The following RBFOX1 variants were observed in gnomAD, a reference collection of about 807,000 sequenced individuals.
RBFOX1 encodes RNA binding protein fox-1 homolog 1.
In RBFOX1, 8 loss-of-function variants were observed where a neutral mutation model predicts 57.7. The ratio of observed to expected loss-of-function variants is 0.14; its 90% confidence interval spans 0.08 to 0.25. The LOEUF is 0.25. RBFOX1 is among the 10% of genes least tolerant of loss of function. The pLI, the probability that RBFOX1 is intolerant of heterozygous loss-of-function variation, is 1.00. For synonymous variants in RBFOX1, 326 were observed against 222.4 expected (o/e 1.47, Z -4.15); for missense variants, 611 against 548.5 (o/e 1.11, Z -1.14).
intron 1 of RBFOX1, among the ~76,000 whole-genome samples, chr16:5,455,544 C>G (rs1320836140): frequency 6.6e-6 from 1 of 152,182 alleles, no homozygotes; most frequent in Non-Finnish European, 1.5e-5. Context: ...TTCTTTCATT[C>G]TTACCTAAGG....
At chr16:7,448,918 CT>C (rs1348641873) in intron 4 of RBFOX1, among the ~76,000 whole-genome samples, 1 of 136,688 alleles carries the variant, frequency 7.3e-6, no homozygotes, top group Non-Finnish European at 1.5e-5. Flanking sequence ...AGACATTTTT[CT>C]TTCCCCTGTT....
chr16:6,103,379 A>C (rs1258231882), intron 1 of RBFOX1, among the ~76,000 whole-genome samples: 1 of 152,192 alleles, frequency 6.6e-6, no homozygotes, highest in Non-Finnish European at 1.5e-5. Flanking sequence ...CATATGTAAG[A>C]TATCTAACAT....
chr16:6,854,912 A>C (rs1346066714), intron 3 of RBFOX1, among the ~76,000 whole-genome samples: 1 of 151,702 alleles, frequency 6.6e-6, no homozygotes, highest in African/African-American at 2.4e-5. Context: ...TAATTTTTTT[A>C]TTCTGGTTTC....
At chr16:5,414,558 C>T (rs986374726) in intron 1 of RBFOX1, among the ~76,000 whole-genome samples, 4 of 152,150 alleles carry the variant, frequency 2.6e-5, no homozygotes, top group African/African-American at 9.7e-5. Context: ...TGGCTTTCAT[C>T]ATTGCTTCAT....
At chr16:6,053,226 A>G (rs758406973) in intron 1 of RBFOX1, among the ~76,000 whole-genome samples, 5 of 152,194 alleles carry the variant, frequency 3.3e-5, no homozygotes, top group Admixed American at 2.0e-4. Context: ...CCTGCCCCCA[A>G]TCTTGCATCT....
At chr16:5,938,813 C>G (rs1303677454) in intron 4 of RBFOX1, among the ~76,000 whole-genome samples, 2 of 152,138 alleles carry the variant, frequency 1.3e-5, no homozygotes, top group African/African-American at 2.4e-5. Flanking sequence ...AACAGATGAA[C>G]CACTCAGCTG....
At chr16:5,527,048 C>T (rs1234336196) in intron 2 of RBFOX1, among the ~76,000 whole-genome samples, 2 of 152,138 alleles carry the variant, frequency 1.3e-5, no homozygotes, top group Non-Finnish European at 2.9e-5. Context: ...TGCCATGTGT[C>T]AGTGGTGCTC....
chr16:6,570,919 A>G (rs1202958247), intron 2 of RBFOX1, among the ~76,000 whole-genome samples: 2 of 152,194 alleles, frequency 1.3e-5, no homozygotes, highest in East Asian at 1.9e-4. Flanking sequence ...AGGGCCTTTG[A>G]TTGAATAACG....
intron 3 of RBFOX1, among the ~76,000 whole-genome samples, chr16:6,922,709 C>G (rs1193508062): frequency 1.3e-5 from 2 of 152,070 alleles, no homozygotes; most frequent in African/African-American, 2.4e-5. Context: ...ATCCACCACT[C>G]CAAAAACTGG....
At chr16:6,621,827 C>T (rs892953445) in intron 2 of RBFOX1, among the ~76,000 whole-genome samples, 2 of 152,134 alleles carry the variant, frequency 1.3e-5, no homozygotes, top group South Asian at 2.1e-4. Flanking sequence ...AGACCACACA[C>T]ATCACACAAA....
chr16:6,965,639 C>G (rs910545195), intron 3 of RBFOX1, among the ~76,000 whole-genome samples: 5 of 152,150 alleles, frequency 3.3e-5, no homozygotes, highest in Non-Finnish European at 7.3e-5. Context: ...GCCTGGCTGA[C>G]AAATCCAGTT....
intron 4 of RBFOX1, among the ~76,000 whole-genome samples, chr16:7,357,680 G>T (rs1383101847): frequency 1.3e-5 from 2 of 152,116 alleles, no homozygotes; most frequent in Non-Finnish European, 2.9e-5. Flanking sequence ...TTCAGTCTCG[G>T]TTGCAATGTC....
intron 3 of RBFOX1, among the ~76,000 whole-genome samples, chr16:6,998,589 A>G (rs2092471977): frequency 6.6e-6 from 1 of 152,182 alleles, no homozygotes; most frequent in African/African-American, 2.4e-5. Context: ...TAATTTGGTT[A>G]TATCATTGTG....
At chr16:6,321,492 A>G (rs1023378688) in intron 2 of RBFOX1, among the ~76,000 whole-genome samples, 4 of 152,158 alleles carry the variant, frequency 2.6e-5, no homozygotes, top group Admixed American at 1.3e-4. Context: ...TTTACCCTTG[A>G]TCCAGAACTA....
At chr16:6,612,067 T>C (rs938700615) in intron 2 of RBFOX1, among the ~76,000 whole-genome samples, 1 of 152,178 alleles carries the variant, frequency 6.6e-6, no homozygotes, top group Admixed American at 6.5e-5. Context: ...ATTATTCTAA[T>C]ATATTTACGT....
chr16:5,746,433 G>C (rs1400877430), intron 3 of RBFOX1, among the ~76,000 whole-genome samples: 1 of 152,082 alleles, frequency 6.6e-6, no homozygotes, highest in African/African-American at 2.4e-5. Context: ...CTCTTTTTTG[G>C]TTCCATATGA....
Position 6,913,604 on chromosome 16 carries a change from C to G in RBFOX1, c.-15-138453C>G, listed in dbSNP as rs146402251. Reference sequence around the variant, plus strand: ...AAGTCGGTAGCATCCCCAAGCTTTTCCCAGAGCAACTCAAGCCCTGAGGCC... The same window carrying G: ...AAGTCGGTAGCATCCCCAAGCTTTTGCCAGAGCAACTCAAGCCCTGAGGCC... On this transcript the variant is annotated intron_variant, in intron 3 of 15. Coordinates refer to ENST00000550418, the MANE Select transcript of RBFOX1 (RefSeq NM_018723.4). Among the ~76,000 whole-genome samples, 253 of 152,274 alleles carry G rather than the reference C, an allele frequency of 1.7e-3. 2 individuals carry two copies. Among genetic ancestry groups the G allele is most frequent in the African/African-American group, 5.8e-3 (241 of 41,558 alleles).
At chr16:6,932,144 C>A (rs957718582) in intron 3 of RBFOX1, among the ~76,000 whole-genome samples, 2 of 152,172 alleles carry the variant, frequency 1.3e-5, no homozygotes, top group African/African-American at 2.4e-5. Context: ...CCATCTGTCA[C>A]CCAGCCTGGA....
chr16:7,068,833 C>G (rs1000285406), intron 4 of RBFOX1, among the ~76,000 whole-genome samples: 1 of 152,228 alleles, frequency 6.6e-6, no homozygotes, highest in East Asian at 1.9e-4. Flanking sequence ...AAGTGGTCCA[C>G]CTGCCATGGC....
Sources: gnomAD v4.1 joint callset for allele counts (sites outside exome capture counted in the v4.1 genomes callset) on GRCh38, gnomAD v4.1.1 for gene constraint, MANE v1.5 for transcripts, NCBI Gene and HGNC (gene_info 2026-07-23, HGNC 2026-07-21) for gene names.